Variants in NLRP13 observed in about 807,000 individuals in gnomAD.
NLRP13 encodes the protein NACHT, LRR and PYD domains-containing protein 13.
In NLRP13, 82 loss-of-function variants were observed where a neutral mutation model predicts 94.4. The observed-to-expected ratio is 0.87, with a 90% confidence interval of 0.73 to 1.04. The LOEUF (loss-of-function observed/expected upper bound fraction) is 1.04. NLRP13 is among the 50% of genes least tolerant of loss of function. NLRP13 has a pLI of 0.00. For synonymous variants in NLRP13, 553 were observed against 464.7 expected, an observed-to-expected ratio of 1.19 and a Z score of -2.45; for missense variants, 1,426 against 1,230.8, an observed-to-expected ratio of 1.16 and a Z score of -2.37.
downstream of NLRP13, among the ~76,000 whole-genome samples, chr19:55,894,013 G>A (rs1275752602): frequency 1.5e-5 from 2 of 131,678 alleles, no homozygotes; most frequent in Non-Finnish European, 3.2e-5. Flanking sequence ...AGTAACAGCT[G>A]TTAACTGCTT....
chr19:55,899,076 G>T lies in NLRP13; in HGVS notation c.2790-139C>A. 9 of 880,066 alleles carry T rather than the reference G, an allele frequency of 1.0e-5. No individual in the cohort carries two copies. The South Asian group carries it at 1.3e-4, about 13-fold the overall frequency. The allele number at this position is 880,066 out of a possible 1,614,324, so 54.5% of individuals were successfully genotyped here. A position where few individuals can be genotyped will look rare whatever the true frequency, so the allele number is the denominator to read the frequency against. ...TTGTCCCAAGCCTCGAAGGAGGAGGGTGCGAGTCAGGAGGGCCGAGACACC... is the reference window on the plus strand; with the variant it reads ...TTGTCCCAAGCCTCGAAGGAGGAGGTTGCGAGTCAGGAGGGCCGAGACACC... On this transcript the variant is annotated intron_variant, in intron 9 of 10. Transcript: ENST00000342929.
intron 9 of NLRP13, 100 bp downstream of exon 9, chr19:55,901,935 C>A: frequency 1.6e-6 from 2 of 1,262,886 alleles, no homozygotes; most frequent in Non-Finnish European, 2.2e-6. Flanking sequence ...AAGAGCTTGT[C>A]CACGCCTCAT....
Position 55,898,897 on chromosome 19 carries a change from GCTCT to G in NLRP13, c.2826_2829del (p.Glu943TrpfsTer11). 6.2e-7 allele frequency: 1 copy of G among 1,612,122 alleles called. No homozygotes were observed. Among genetic ancestry groups the G allele is most frequent in the Non-Finnish European group, 8.5e-7 (1 of 1,179,492 alleles). On this transcript the variant is annotated frameshift_variant, in exon 10 of 11. Coordinates refer to ENST00000342929, the MANE Select transcript of NLRP13 (RefSeq NM_176810.2). LOFTEE classifies it high-confidence loss of function. ...TGATTATGGCTGAGGGCATTAGCCAGCTCTCCACAGCCCTCTCTTGTGAAAGAAC... is the reference window on the plus strand; with the variant it reads ...TGATTATGGCTGAGGGCATTAGCCAGCCACAGCCCTCTCTTGTGAAAGAAC...
chr19:55,912,348 C>A lies in NLRP13; in HGVS notation c.1469G>T (p.Gly490Val), dbSNP rs755167674. 6.2e-7 allele frequency: 1 copy of A among 1,614,070 alleles called. No homozygotes were observed. The highest frequency in any genetic ancestry group is 8.5e-7 in the Non-Finnish European group (1 of 1,179,998). The change falls in exon 5 of 11, where the codon GGG becomes GTG. Residue 490 changes from glycine (G) to valine (V), a missense_variant. Physicochemically the swap from Gly to Val is moderately radical, Grantham distance 109 (BLOSUM62 -3). Transcript: ENST00000342929. Reference sequence around the variant, plus strand: ...AAACGTGAAGTTCATAGACCACAGCCCTTCTATGGCCAGACTGCAGAGGGC... The same window carrying A: ...AAACGTGAAGTTCATAGACCACAGCACTTCTATGGCCAGACTGCAGAGGGC... ...WRALCSLAIE[G>V]LWSMNFTFNK... is the part of the protein sequence containing the mutation.
chr19:55,923,273 G>C (rs991211408), intron 4 of NLRP13, among the ~76,000 whole-genome samples: 1 of 152,192 alleles, frequency 6.6e-6, no homozygotes, highest in Non-Finnish European at 1.5e-5. Flanking sequence ...TTCTGTAGGA[G>C]ATCAGTCAGG....
chr19:55,903,303 G>C (rs1323434618), intron 8 of NLRP13, among the ~76,000 whole-genome samples: 1 of 152,084 alleles, frequency 6.6e-6, no homozygotes, highest in Non-Finnish European at 1.5e-5. Context: ...AAGGAGCAGA[G>C]GGCCAGAGTC....
chr19:55,900,692 C>T (rs909370592), intron 9 of NLRP13, among the ~76,000 whole-genome samples: 2 of 150,296 alleles, frequency 1.3e-5, no homozygotes, highest in South Asian at 2.1e-4. Flanking sequence ...AGGAGAATGA[C>T]GTGAACCCAG....
In NLRP13 at chr19:55,912,824, T is replaced by G; in HGVS notation, c.993A>C (p.Pro331=). 6.2e-7 allele frequency: 1 copy of G among 1,614,172 alleles called. No homozygotes were observed. The highest frequency in any genetic ancestry group is 8.5e-7 in the Non-Finnish European group (1 of 1,180,026). ...GGAGCTCCTGGTACCAGTCTGTACA[T>G]GGCGAGCCATCATCCAAGCTCTCAG... The part of the protein sequence containing the change: ...SRSESLDDGS[P]CTDWYQELPV... The change falls in exon 5 of 11, where the codon CCA becomes CCC. Residue 331 remains proline, a synonymous_variant. Transcript: ENST00000342929.
In NLRP13 at chr19:55,902,135, G is replaced by A; in HGVS notation, c.2689C>T (p.Leu897=). The A allele has an allele frequency of 6.2e-7, 1 of 1,614,100 alleles. No homozygotes were observed. The highest frequency in any genetic ancestry group is 1.1e-5 in the South Asian group (1 of 91,086). The change falls in exon 9 of 11, where the codon CTG becomes TTG. Residue 897 remains leucine, a synonymous_variant. Coordinates refer to ENST00000342929, the MANE Select transcript of NLRP13 (RefSeq NM_176810.2). ...TTCTTGCTCAGATTCAGGTGTGTCA[G>A]GCTCCTGTTCTGCAGGAGAGCATCT... is the stretch of plus-strand genomic sequence containing the variant. The part of the protein sequence containing the change: ...LSDALLQNRS[L]THLNLSKNSL...
chr19:55,919,489 A>C (rs553768103), intron 4 of NLRP13, among the ~76,000 whole-genome samples: 1 of 152,182 alleles, frequency 6.6e-6, no homozygotes, highest in Admixed American at 6.5e-5. Context: ...AAAGACTCCT[A>C]GATTTGATAA....
chr19:55,924,731 C>T, intron 2 of NLRP13, 73 bp from the exon 3 acceptor site: 5 of 1,315,712 alleles, frequency 3.8e-6, no homozygotes, highest in Non-Finnish European at 5.5e-6. Context: ...TGGAAGCCCC[C>T]AGTAGAACCA....
chr19:55,910,787 C>T, intron 5 of NLRP13, 54 bp from the exon 6 acceptor site: 6 of 1,411,650 alleles, frequency 4.3e-6, no homozygotes, highest in South Asian at 1.3e-5. Context: ...TCAAGCAATA[C>T]CCAGAATACA....
rs1339063065 is a variant in NLRP13 at position 55,924,964 on chromosome 19, C to T, written c.388+3G>A. 1 of 1,613,678 alleles carries T rather than the reference C, an allele frequency of 6.2e-7. No homozygotes were observed. The highest frequency in any genetic ancestry group is 1.3e-5 in the African/African-American group (1 of 75,042). On this transcript the variant is annotated splice_donor_region_variant and intron_variant, in intron 2 of 10. Transcript: ENST00000342929. The stretch of plus-strand genomic sequence containing the variant: ...CATTATCAACTTAAAGTAGTGTACA[C>T]ACCTGCTGCTGCTTCTAGCATCTCT...
At chr19:55,892,108 G>C (rs1050919932), downstream of NLRP13, 3 of 1,231,972 alleles carry the variant, frequency 2.4e-6, no homozygotes, top group East Asian at 9.5e-5. Flanking sequence ...ACATTGTGCA[G>C]GTCTTTTTGA....
At chr19:55,898,621 G>A (rs371016263) in intron 10 of NLRP13, 149 bp downstream of exon 10, 52 of 783,878 alleles carry the variant, frequency 6.6e-5, no homozygotes, top group Middle Eastern at 3.6e-4. Flanking sequence ...CTGGGGTTAC[G>A]GGCGTGAGCC....
chr19:55,892,317 C>G (rs2123092728), downstream of NLRP13, among the ~76,000 whole-genome samples: 1 of 152,250 alleles, frequency 6.6e-6, no homozygotes, highest in Admixed American at 6.5e-5. Flanking sequence ...TGCCTCCTTC[C>G]TACTCTCCTC....
intron 6 of NLRP13, among the ~76,000 whole-genome samples, 188 bp from the exon 7 acceptor site, chr19:55,908,144 C>A (rs1030023756): frequency 6.6e-6 from 1 of 152,000 alleles, no homozygotes; most frequent in African/African-American, 2.4e-5. Flanking sequence ...ATACTCCCCC[C>A]AAAAAAATCA....
chr19:55,912,910 G>C lies in NLRP13; in HGVS notation c.907C>G (p.Pro303Ala). ...DAPIEEFMSQPEKLLFIIDGF... is the reference protein window; with the variant it reads ...DAPIEEFMSQAEKLLFIIDGF... Reference sequence around the variant, plus strand: ...TCAATAATAAACAGGAGCTTCTCTGGTTGAGACATGAACTCTTCAATGGGG... The same window carrying C: ...TCAATAATAAACAGGAGCTTCTCTGCTTGAGACATGAACTCTTCAATGGGG... Residue 303 changes from proline to alanine, a missense_variant, in exon 5 of 11, where the codon CCA (proline) becomes GCA (alanine). By Grantham distance (27) the Pro-to-Ala change is conservative. Transcript: ENST00000342929. 1 of 1,614,156 alleles carries C rather than the reference G, an allele frequency of 6.2e-7. No individual in the cohort carries two copies. Among genetic ancestry groups the C allele is most frequent in the Non-Finnish European group, 8.5e-7 (1 of 1,180,018 alleles).
At position 55,896,048 on chromosome 19, in the gene NLRP13, A is replaced by AG; in HGVS notation, c.3028dup (p.Leu1010ProfsTer10). The AG allele has an allele frequency of 6.2e-7, 1 of 1,614,224 alleles. No homozygotes were observed. The highest frequency in any genetic ancestry group is 8.5e-7 in the Non-Finnish European group (1 of 1,180,022). ...ATTGCCTAGAAGGTTCAGATTGACC[A>AG]GGCTCTTACTGCTGCTGAGAACAGA... is the stretch of plus-strand genomic sequence containing the variant. On this transcript the variant is annotated frameshift_variant, in exon 11 of 11. Coordinates refer to ENST00000342929, the MANE Select transcript of NLRP13 (RefSeq NM_176810.2). LOFTEE classifies it low-confidence loss of function (END_TRUNC).
Sources: gnomAD v4.1 joint callset for allele counts (sites outside exome capture counted in the v4.1 genomes callset) on GRCh38, gnomAD v4.1.1 for gene constraint, MANE v1.5 for transcripts, NCBI Gene and HGNC (gene_info 2026-07-23, HGNC 2026-07-21) for gene names.